AVEN: variants seen among roughly 807,000 people sequenced by gnomAD.
AVEN encodes the protein cell death regulator Aven.
AVEN carries 41 observed loss-of-function variants against 38.1 expected under a neutral mutation model. The observed-to-expected ratio is 1.08, with a 90% CI of 0.84 to 1.40. The LOEUF is 1.40. Among genes scored for constraint, AVEN ranks in the 40% most tolerant of loss-of-function variants. AVEN has a pLI of 0.00. For missense variants in AVEN, 605 were observed against 438.8 expected, an observed-to-expected ratio of 1.38 and a Z score of -3.38; for synonymous variants, 206 against 171.8, an observed-to-expected ratio of 1.20 and a Z score of -1.56.
upstream of AVEN, among the ~76,000 whole-genome samples, chr15:34,043,287 GTTTGAC>G (rs1899554543): frequency 6.6e-6 from 1 of 151,448 alleles, no homozygotes; most frequent in African/African-American, 2.4e-5. Context: ...GGCTTTCACT[GTTTGAC>G]GAAAAGTAGA....
At position 33,937,601 on chromosome 15, in the gene AVEN, A is replaced by G. The variant is rs117075069; in HGVS notation, c.446-61606T>C. Among the ~76,000 whole-genome samples, 1,120 of 151,772 alleles carry G rather than the reference A, an allele frequency of 7.4e-3. 9 individuals carry two copies. The highest frequency in any genetic ancestry group is 0.011 in the Non-Finnish European group (727 of 67,954). On this transcript the variant is annotated intron_variant, in intron 2 of 5. Coordinates refer to ENST00000306730, the MANE Select transcript of AVEN (RefSeq NM_020371.3). ...CCAAAATTTATATGTTGAAGCCCTA[A>G]CCCCCCAATGTGATAGTATTTAGAC... is the stretch of plus-strand genomic sequence containing the variant.
At position 33,937,261 on chromosome 15, in the gene AVEN, A is replaced by G. The variant is rs545026367; in HGVS notation, c.446-61266T>C. On this transcript the variant is annotated intron_variant, in intron 2 of 5. Transcript: ENST00000306730. ...TTTAAAAATTAAATCAGGGCCGGGC[A>G]CGGTGGCTCACGCCTGTAATCCCAG... Among the ~76,000 whole-genome samples, 69 of 149,090 alleles carry G rather than the reference A, an allele frequency of 4.6e-4. 1 individual carries two copies. Among genetic ancestry groups the G allele is most frequent in the South Asian group, 6.6e-4 (3 of 4,532 alleles).
In AVEN at chr15:34,006,611, G is replaced by A. The variant is rs79455123; in HGVS notation, c.268-3402C>T. Among the ~76,000 whole-genome samples the A allele has an allele frequency of 9.9e-3, 1,507 of 152,288 alleles. 34 individuals carry two copies. Among genetic ancestry groups the A allele is most frequent in the African/African-American group, 0.035 (1,439 of 41,552 alleles). On this transcript the variant is annotated intron_variant, in intron 1 of 5. Coordinates refer to ENST00000306730, the MANE Select transcript of AVEN (RefSeq NM_020371.3). ...AAACAAGCACTGAAATGGAAAGTGG[G>A]AGACCTAAACCGAATTAATGGTCCT...
intron 1 of AVEN, among the ~76,000 whole-genome samples, chr15:34,073,280 T>C (rs4363841): frequency 0.99 from 143,490 of 145,268 alleles, 70,884 homozygotes; most frequent in Non-Finnish European, 1. Context: ...TGGTCTCGAT[T>C]TCCTGACCTC....
chr15:33,991,740 T>C (rs1488323565), intron 2 of AVEN: 3 of 152,080 alleles, frequency 2.0e-5, no homozygotes, highest in Non-Finnish European at 2.9e-5. Context: ...CAGCCAGCAA[T>C]TGTAACCTAT....
intron 1 of AVEN, chr15:34,018,509 GTTTC>G (rs1163660447): frequency 6.6e-6 from 1 of 152,306 alleles, no homozygotes; most frequent in Non-Finnish European, 1.5e-5. Context: ...AGAGTTGTTT[GTTTC>G]TCCCGGTGGG....
downstream of AVEN, chr15:33,854,438 T>C: frequency 1.3e-6 from 2 of 1,574,450 alleles, no homozygotes; most frequent in Non-Finnish European, 1.7e-6. Flanking sequence ...TGGAGTTGTT[T>C]TTACTGACAA....
chr15:34,072,175 G>A (rs1020759424), intron 1 of AVEN, among the ~76,000 whole-genome samples: 11 of 151,922 alleles, frequency 7.2e-5, no homozygotes, highest in African/African-American at 9.7e-5. Flanking sequence ...AGGCTGAGGC[G>A]GGAGGAACTC....
At chr15:33,967,512 T>C (rs1895437480) in intron 2 of AVEN, among the ~76,000 whole-genome samples, 1 of 152,034 alleles carries the variant, frequency 6.6e-6, no homozygotes. Context: ...AATCTGACAA[T>C]TGTTGAATCT....
Position 34,037,120 on chromosome 15 carries a change from A to AT in AVEN, c.267+1659_267+1660insA, listed in dbSNP as rs1250590304. 1.4e-4 allele frequency among the ~76,000 whole-genome samples: 21 copies of AT among 150,794 alleles called. No homozygotes were observed. The South Asian group carries it at 2.5e-3, about 18-fold the overall frequency. On this transcript the variant is annotated intron_variant, in intron 1 of 5. Transcript: ENST00000306730. Reference sequence around the variant, plus strand: ...GTAAAACTCCGTCTCAAAAAAAAAAAAAAAATATATACCATCATTTCACCC... The same window carrying AT: ...GTAAAACTCCGTCTCAAAAAAAAAAATAAAAATATATACCATCATTTCACCC...
chr15:34,038,422 A>G (rs1899257555), intron 1 of AVEN, among the ~76,000 whole-genome samples: 1 of 151,992 alleles, frequency 6.6e-6, no homozygotes. Flanking sequence ...TCCGTCCCAT[A>G]GTGGTACTCG....
chr15:34,060,594 C>T (rs1429765453), intron 5 of AVEN, among the ~76,000 whole-genome samples: 2 of 152,154 alleles, frequency 1.3e-5, no homozygotes. Context: ...AAAAGATTTT[C>T]ACCGGGCACG....
At chr15:33,889,483 T>C (rs1455097618) in intron 2 of AVEN, among the ~76,000 whole-genome samples, 1 of 152,184 alleles carries the variant, frequency 6.6e-6, no homozygotes, top group Non-Finnish European at 1.5e-5. Context: ...AGGACGTCCA[T>C]AATGTCCCTT....
At chr15:33,893,035 T>C (rs1567400028) in intron 2 of AVEN, among the ~76,000 whole-genome samples, 1 of 152,196 alleles carries the variant, frequency 6.6e-6, no homozygotes, top group Non-Finnish European at 1.5e-5. Flanking sequence ...GTTATTGGTA[T>C]ATAGGAATGC....
chr15:34,007,709 A>G (rs635531), intron 1 of AVEN, among the ~76,000 whole-genome samples: 71,663 of 152,088 alleles, frequency 0.47, 20,275 homozygotes, highest in Non-Finnish European at 0.63. Context: ...ACAAAGTATC[A>G]CAAATTAGAT....
At chr15:33,882,110 G>C (rs1891510022) in intron 2 of AVEN, among the ~76,000 whole-genome samples, 1 of 152,126 alleles carries the variant, frequency 6.6e-6, no homozygotes, top group Admixed American at 6.5e-5. Flanking sequence ...GAATATTGTA[G>C]AACGGCCTTG....
intron 1 of AVEN, among the ~76,000 whole-genome samples, chr15:34,034,715 A>T (rs1899036224): frequency 6.6e-6 from 1 of 152,238 alleles, no homozygotes; most frequent in Non-Finnish European, 1.5e-5. Context: ...ACTTAAAAAC[A>T]GAATATGTTA....
At chr15:33,870,611 G>A (rs1439630425) in intron 4 of AVEN, among the ~76,000 whole-genome samples, 3 of 152,212 alleles carry the variant, frequency 2.0e-5, no homozygotes, top group East Asian at 3.8e-4. Flanking sequence ...AACGACATCT[G>A]TCTGTTCACC....
intron 3 of AVEN, among the ~76,000 whole-genome samples, chr15:33,871,822 T>G (rs1398320988): frequency 1.3e-5 from 2 of 149,992 alleles, no homozygotes; most frequent in Admixed American, 1.3e-4. Context: ...TCTTTTTTGG[T>G]CACCAGTTTG....
Sources: gnomAD v4.1 joint callset for allele counts (sites outside exome capture counted in the v4.1 genomes callset) on GRCh38, gnomAD v4.1.1 for gene constraint, MANE v1.5 for transcripts, NCBI Gene and HGNC (gene_info 2026-07-23, HGNC 2026-07-21) for gene names.